SNX29: variants seen among roughly 807,000 people sequenced by gnomAD.
The protein encoded by SNX29 is sorting nexin 29, also known as sorting nexin-29.
Under a neutral mutation model 102.1 loss-of-function variants are expected in SNX29, and 78 were observed. The observed-to-expected ratio is 0.76, with a 90% CI of 0.64 to 0.92. The LOEUF is 0.92. Among genes scored for constraint, SNX29 ranks in the 40% least tolerant of loss-of-function variants. SNX29 has a pLI of 0.00. For missense variants in SNX29, 1,280 were observed against 1,061.7 expected (o/e 1.21, Z -2.86); for synonymous variants, 580 against 414.5 (o/e 1.40, Z -4.85).
intron 1 of SNX29, among the ~76,000 whole-genome samples, chr16:11,986,154 T>TG (rs946024315): frequency 6.6e-6 from 1 of 151,884 alleles, no homozygotes; most frequent in Non-Finnish European, 1.5e-5. Flanking sequence ...GCAGGTTAGG[T>TG]GGGGGCTGAG....
intron 15 of SNX29, among the ~76,000 whole-genome samples, chr16:12,328,745 C>T (rs2081199970): frequency 6.6e-6 from 1 of 152,138 alleles, no homozygotes; most frequent in Non-Finnish European, 1.5e-5. Context: ...TGTATCTCTC[C>T]CTGTTTTACT....
intron 13 of SNX29, among the ~76,000 whole-genome samples, chr16:12,146,802 G>A (rs1283631582): frequency 1.3e-5 from 2 of 152,208 alleles, no homozygotes; most frequent in Non-Finnish European, 2.9e-5. Context: ...ATGCTTTAAT[G>A]TTGAAATTTA....
chr16:12,302,829 C>T (rs112626016), intron 15 of SNX29, among the ~76,000 whole-genome samples: 2 of 152,184 alleles, frequency 1.3e-5, no homozygotes, highest in Admixed American at 6.5e-5. Context: ...TTTTAAAAGA[C>T]ATCTCATCAG....
At chr16:12,360,868 T>C (rs564319142) in intron 16 of SNX29, among the ~76,000 whole-genome samples, 1 of 152,284 alleles carries the variant, frequency 6.6e-6, no homozygotes, top group African/African-American at 2.4e-5. Context: ...TTTACTGAGG[T>C]TCAGAGAAGC....
intron 16 of SNX29, among the ~76,000 whole-genome samples, chr16:12,384,098 C>T (rs1197295002): frequency 2.0e-5 from 3 of 152,218 alleles, no homozygotes; most frequent in Admixed American, 2.0e-4. Context: ...ATATGTACCA[C>T]ATTTTCTATA....
At chr16:12,335,313 C>T (rs972527675) in intron 15 of SNX29, among the ~76,000 whole-genome samples, 1 of 152,026 alleles carries the variant, frequency 6.6e-6, no homozygotes, top group East Asian at 1.9e-4. Flanking sequence ...ACTCTTGCTG[C>T]TGGGAGTATA....
intron 20 of SNX29, among the ~76,000 whole-genome samples, chr16:12,544,733 G>GTTT (rs1273981605): frequency 9.9e-5 from 15 of 152,282 alleles, no homozygotes; most frequent in South Asian, 4.1e-4. Flanking sequence ...GGAAACCTCG[G>GTTT]CCCAGAGAGG....
intron 8 of SNX29, among the ~76,000 whole-genome samples, chr16:12,055,759 A>T (rs2050493820): frequency 6.6e-6 from 1 of 152,176 alleles, no homozygotes; most frequent in South Asian, 2.1e-4. Flanking sequence ...AATCTGGTTC[A>T]CCCAGAATCT....
chr16:12,557,294 C>T (rs763421431), intron 20 of SNX29: 6 of 152,184 alleles, frequency 3.9e-5, no homozygotes, highest in African/African-American at 1.4e-4. Flanking sequence ...ACCTGGGACC[C>T]TGTACAATTT....
intron 11 of SNX29, chr16:12,089,663 A>G: frequency 5.3e-6 from 1 of 188,124 alleles, no homozygotes; most frequent in Non-Finnish European, 1.2e-5. Flanking sequence ...AGTGAGGGGG[A>G]GAGTGAGTTG....
intron 15 of SNX29, among the ~76,000 whole-genome samples, chr16:12,308,304 G>A (rs1168956730): frequency 1.3e-5 from 2 of 152,218 alleles, no homozygotes; most frequent in African/African-American, 2.4e-5. Context: ...AGCCTCTACT[G>A]TGTATCATTC....
At chr16:12,294,662 G>C (rs2079919732) in intron 15 of SNX29, among the ~76,000 whole-genome samples, 1 of 152,108 alleles carries the variant, frequency 6.6e-6, no homozygotes, top group African/African-American at 2.4e-5. Flanking sequence ...CTCTGGGTAG[G>C]TTCAGGTCCT....
chr16:12,410,065 G>C (rs1165710503), intron 18 of SNX29, among the ~76,000 whole-genome samples: 1 of 152,040 alleles, frequency 6.6e-6, no homozygotes, highest in Non-Finnish European at 1.5e-5. Context: ...CGCAATCTCG[G>C]TTCACTGCAA....
At chr16:12,534,561 C>G (rs190365714) in intron 20 of SNX29, among the ~76,000 whole-genome samples, 2 of 152,312 alleles carry the variant, frequency 1.3e-5, no homozygotes, top group Admixed American at 6.5e-5. Context: ...AAATTGGTCA[C>G]AGGTTATTAG....
chr16:12,484,662 C>T (rs1163846199), intron 19 of SNX29, among the ~76,000 whole-genome samples: 6 of 152,270 alleles, frequency 3.9e-5, no homozygotes, highest in East Asian at 3.9e-4. Context: ...GCACCTGTCA[C>T]ACCCTGTACC....
At chr16:12,528,618 G>C (rs1297204977) in intron 20 of SNX29, among the ~76,000 whole-genome samples, 2 of 152,200 alleles carry the variant, frequency 1.3e-5, no homozygotes, top group African/African-American at 4.8e-5. Context: ...CACTGAGCCA[G>C]CATCCCCTCC....
intron 15 of SNX29, among the ~76,000 whole-genome samples, chr16:12,298,874 A>G (rs2080068053): frequency 6.6e-6 from 1 of 152,146 alleles, no homozygotes; most frequent in Non-Finnish European, 1.5e-5. Flanking sequence ...TGTTACCTAC[A>G]TTAACCTTAT....
chr16:12,153,469 AAAAC>A (rs2055388805), intron 13 of SNX29, among the ~76,000 whole-genome samples: 1 of 148,750 alleles, frequency 6.7e-6, no homozygotes, highest in African/African-American at 2.5e-5. Flanking sequence ...CTCAAAAAAA[AAAAC>A]AAAAAACAAA....
chr16:12,188,649 A>T (rs536359112), intron 13 of SNX29, among the ~76,000 whole-genome samples: 9 of 152,230 alleles, frequency 5.9e-5, no homozygotes, highest in African/African-American at 1.7e-4. Context: ...TCTGAGTGGG[A>T]TTTACCAGGT....
Sources: gnomAD v4.1 joint callset for allele counts (sites outside exome capture counted in the v4.1 genomes callset) on GRCh38, gnomAD v4.1.1 for gene constraint, MANE v1.5 for transcripts, NCBI Gene and HGNC (gene_info 2026-07-23, HGNC 2026-07-21) for gene names.